ZC3H11A: variants seen among roughly 807,000 people sequenced by gnomAD.
ZC3H11A encodes zinc finger CCCH-type containing 11A, also known as zinc finger CCCH domain-containing protein 11A.
A neutral mutation model predicts 90.8 loss-of-function variants in ZC3H11A; 22 were observed. The observed-to-expected ratio is 0.24, with a 90% CI of 0.17 to 0.35. The LOEUF (loss-of-function observed/expected upper bound fraction) is 0.35. Ranked by LOEUF, ZC3H11A falls within the 10% of genes least tolerant of loss-of-function variation. The pLI, the probability that ZC3H11A is intolerant of heterozygous loss-of-function variation, is 1.00. For missense variants in ZC3H11A, 701 were observed against 964.9 expected (o/e 0.73, Z 3.62); for synonymous variants, 294 against 339.8 (o/e 0.87, Z 1.48).
intron 12 of ZC3H11A, 40 bp from the exon 13 acceptor site, chr1:203,847,144 A>G (rs758871584): frequency 1.2e-6 from 2 of 1,603,790 alleles, no homozygotes; most frequent in East Asian, 2.2e-5. Flanking sequence ...TAAGAGATGA[A>G]CTTCAAGTAT....
intron 1 of ZC3H11A, chr1:203,799,559 C>T: frequency 1.4e-6 from 1 of 703,018 alleles, no homozygotes; most frequent in Non-Finnish European, 2.6e-6. Context: ...TGCTCACCTC[C>T]CTTCAGTGGA....
rs776050743 is a variant in ZC3H11A, at chr1:203,833,849, A to C, written c.870A>C (p.Ser290=). 140 of 1,610,052 alleles carry C rather than the reference A, an allele frequency of 8.7e-5. No individual in the cohort carries two copies. The highest frequency in any genetic ancestry group is 2.0e-4 in the Admixed American group (12 of 59,332). The change falls in exon 10 of 18, where the codon TCA becomes TCC. Residue 290 remains serine (S), a synonymous_variant. Transcript: ENST00000367210. ...AGAGACTGGGGAAACGAAAATTTTC[A>C]GCAGGTAAGATAAGTTTTGTGTATA... is the stretch of plus-strand genomic sequence containing the variant. ...LTERLGKRKF[S]AGGDSDPPLK... is the part of the protein sequence containing the mutation.
At position 203,833,821 on chromosome 1, in the gene ZC3H11A, C is replaced by G; in HGVS notation, c.842C>G (p.Thr281Ser). 6.2e-7 allele frequency: 1 copy of G among 1,610,334 alleles called. No homozygotes were observed. The highest frequency in any genetic ancestry group is 8.5e-7 in the Non-Finnish European group (1 of 1,178,650). The change falls in exon 10 of 18, where the codon ACT (threonine) becomes AGT (serine). Residue 281 changes from threonine to serine, a missense_variant. Physicochemically the swap from Thr to Ser is moderately conservative, Grantham distance 58 (BLOSUM62 1). This residue lies in a region of ZC3H11A where 530 missense variants were observed against 696.2 expected (regional missense o/e 0.76). Coordinates refer to ENST00000367210, the MANE Select transcript of ZC3H11A (RefSeq NM_001376342.1). ...GEEPLVRLSL[T>S]ERLGKRKFSA... The stretch of plus-strand genomic sequence containing the variant: ...GAACCCTTGGTTAGATTGAGTCTTA[C>G]TGAGAGACTGGGGAAACGAAAATTT...
rs1239089495 is a variant in ZC3H11A at position 203,833,744 on chromosome 1, C to G, written c.812-47C>G. On this transcript the variant is annotated intron_variant, in intron 9 of 17. Transcript: ENST00000367210. ...TGTACCCATTAGTAGTTACTGAATACAGAAAAATTGACTAAGGATAGAGAA... is the reference window on the plus strand; with the variant it reads ...TGTACCCATTAGTAGTTACTGAATAGAGAAAAATTGACTAAGGATAGAGAA... 5 of 1,541,804 alleles carry G rather than the reference C, an allele frequency of 3.2e-6. No individual in the cohort carries two copies. In the Admixed American group the frequency reaches 9.3e-5, roughly 29 times the overall value.
chr1:203,839,730 C>A (rs1685486731), intron 11 of ZC3H11A, among the ~76,000 whole-genome samples: 1 of 152,160 alleles, frequency 6.6e-6, no homozygotes, highest in East Asian at 1.9e-4. Flanking sequence ...GAAGGCTCTA[C>A]AATAACAAAA....
At chr1:203,815,211 C>CTTTCTTTTTTTTTTTTTTT (rs779729339) in intron 2 of ZC3H11A, among the ~76,000 whole-genome samples, 1 of 59,424 alleles carries the variant, frequency 1.7e-5, no homozygotes, top group African/African-American at 4.8e-5. Flanking sequence ...TCTTCCTTTT[C>CTTTCTTTTTTTTTTTTTTT]TTTTCTTTTT....
intron 2 of ZC3H11A, chr1:203,805,633 C>T: frequency 1.4e-6 from 1 of 692,120 alleles, no homozygotes; most frequent in Non-Finnish European, 2.7e-6. Context: ...AAGCAGGGAT[C>T]TGTGGCAATC....
At chr1:203,806,123 T>A in intron 2 of ZC3H11A, 1 of 503,170 alleles carries the variant, frequency 2.0e-6, no homozygotes, top group Non-Finnish European at 4.0e-6. Flanking sequence ...CTCATCTTGA[T>A]CTGGTCCTTA....
chr1:203,803,590 G>C (rs975898993), intron 2 of ZC3H11A, among the ~76,000 whole-genome samples: 6 of 152,112 alleles, frequency 3.9e-5, no homozygotes, highest in African/African-American at 1.2e-4. Flanking sequence ...CATCTCCTTG[G>C]AGAAAAGCAC....
intron 4 of ZC3H11A, among the ~76,000 whole-genome samples, chr1:203,821,216 A>G (rs1412935060): frequency 6.6e-6 from 1 of 152,074 alleles, no homozygotes; most frequent in Non-Finnish European, 1.5e-5. Flanking sequence ...GCTGCCATGT[A>G]AGACTTGTTT....
chr1:203,822,864 G>T (rs1197885835), intron 4 of ZC3H11A, among the ~76,000 whole-genome samples: 1 of 152,058 alleles, frequency 6.6e-6, no homozygotes, highest in Non-Finnish European at 1.5e-5. Context: ...CCATCTGAAT[G>T]CCTGTCTCCC....
At chr1:203,827,000 AACTACTCT>A (rs1680738884) in intron 4 of ZC3H11A, among the ~76,000 whole-genome samples, 1 of 152,126 alleles carries the variant, frequency 6.6e-6, no homozygotes, top group South Asian at 2.1e-4. Context: ...TCAGCATCCC[AACTACTCT>A]ACCATGGAGA....
intron 7 of ZC3H11A, 83 bp from the exon 8 acceptor site, chr1:203,830,040 A>G (rs951180852): frequency 7.4e-7 from 1 of 1,348,002 alleles, no homozygotes; most frequent in African/African-American, 1.5e-5. Context: ...CATTTATTCA[A>G]AAATAAATGC....
At chr1:203,800,068 A>G in intron 1 of ZC3H11A, 1 of 1,536,118 alleles carries the variant, frequency 6.5e-7, no homozygotes, top group Non-Finnish European at 8.7e-7. Context: ...TCAGCTGTAG[A>G]CAATGTTGCC....
At chr1:203,831,577 A>C in intron 8 of ZC3H11A, 84 bp from the exon 9 acceptor site, 1 of 1,122,040 alleles carries the variant, frequency 8.9e-7, no homozygotes, top group Non-Finnish European at 1.3e-6. Flanking sequence ...ATTGGACTTA[A>C]CTGGTTACAA....
At chr1:203,807,359 C>T (rs1177889126) in intron 2 of ZC3H11A, among the ~76,000 whole-genome samples, 1 of 152,182 alleles carries the variant, frequency 6.6e-6, no homozygotes, top group African/African-American at 2.4e-5. Context: ...GATCATAGCT[C>T]AGTGCAACCT....
intron 10 of ZC3H11A, among the ~76,000 whole-genome samples, chr1:203,834,453 A>G (rs1182452883): frequency 6.6e-6 from 1 of 151,646 alleles, no homozygotes; most frequent in Non-Finnish European, 1.5e-5. Context: ...TGTATTTTTT[A>G]TAGTGATAGG....
chr1:203,838,347 A>T (rs1311279637), intron 11 of ZC3H11A, among the ~76,000 whole-genome samples: 1 of 152,232 alleles, frequency 6.6e-6, no homozygotes, highest in Non-Finnish European at 1.5e-5. Context: ...ACACAGTGTT[A>T]TGGTAACACA....
rs1300233089 is a variant in ZC3H11A at position 203,847,281 on chromosome 1, C to T, written c.1140C>T (p.Leu380=). ...AACGTGGAGAATTGCAAACTAAACT[C>T]AAGACAGAAGGACCTTCAAAAACTG... The part of the protein sequence containing the change: ...SQKRGELQTK[L]KTEGPSKTDD... The change falls in exon 13 of 18, where the codon CTC becomes CTT. Residue 380 remains leucine (L), a synonymous_variant. Coordinates refer to ENST00000367210, the MANE Select transcript of ZC3H11A (RefSeq NM_001376342.1). 4 of 1,613,708 alleles carry T rather than the reference C, an allele frequency of 2.5e-6. No individual in the cohort carries two copies. The highest frequency in any genetic ancestry group is 2.2e-5 in the South Asian group (2 of 91,074).
Sources: allele counts gnomAD v4.1 joint callset (sites outside exome capture counted in the v4.1 genomes callset), GRCh38; gene constraint gnomAD v4.1.1; regional missense constraint gnomAD v4.1.1; transcripts MANE v1.5; gene names NCBI Gene and HGNC (gene_info 2026-07-23, HGNC 2026-07-21).